ULK4: variants seen among roughly 807,000 people sequenced by gnomAD.
ULK4 encodes inactive serine/threonine-protein kinase ULK4.
ULK4 carries 133 observed loss-of-function variants against 160.6 expected under a neutral mutation model. The observed-to-expected ratio is 0.83, with a 90% CI of 0.72 to 0.96. The LOEUF (loss-of-function observed/expected upper bound fraction) is 0.96. Ranked by LOEUF, ULK4 falls within the 40% of genes least tolerant of loss-of-function variation. ULK4 has a pLI of 0.00. For missense variants in ULK4, 1,580 were observed against 1,499.5 expected, an observed-to-expected ratio of 1.05 and a Z score of -0.89; for synonymous variants, 534 against 539.8, an observed-to-expected ratio of 0.99 and a Z score of 0.15.
intron 18 of ULK4, among the ~76,000 whole-genome samples, chr3:41,827,340 A>G (rs180810834): frequency 5.9e-4 from 90 of 151,960 alleles, no homozygotes; most frequent in African/African-American, 2.1e-3. Flanking sequence ...AGAGACACAA[A>G]AAACCCTTCA....
chr3:41,422,021 T>C (rs1427988975), intron 34 of ULK4, among the ~76,000 whole-genome samples: 3 of 152,160 alleles, frequency 2.0e-5, no homozygotes, highest in Non-Finnish European at 4.4e-5. Flanking sequence ...ATTTACCCTT[T>C]AAACTGGCAG....
At chr3:41,345,799 A>T (rs960666203) in intron 35 of ULK4, among the ~76,000 whole-genome samples, 5 of 152,186 alleles carry the variant, frequency 3.3e-5, no homozygotes, top group South Asian at 2.1e-4. Context: ...AAGAAAAGTA[A>T]AATAAATTAA....
chr3:41,598,011 C>T (rs2031807104), intron 31 of ULK4, among the ~76,000 whole-genome samples: 1 of 152,230 alleles, frequency 6.6e-6, no homozygotes, highest in African/African-American at 2.4e-5. Context: ...TCTTTCAGTA[C>T]TGGCAGATCC....
intron 21 of ULK4, among the ~76,000 whole-genome samples, chr3:41,782,294 G>C (rs188699553): frequency 1.3e-5 from 2 of 151,810 alleles, no homozygotes; most frequent in Non-Finnish European, 2.9e-5. Flanking sequence ...TTCTGTTCTT[G>C]TCCTGTTTAG....
chr3:41,637,870 C>T (rs1356267889), intron 30 of ULK4, among the ~76,000 whole-genome samples: 2 of 152,108 alleles, frequency 1.3e-5, no homozygotes, highest in Non-Finnish European at 2.9e-5. Flanking sequence ...GATCCTTTGC[C>T]CATTTTATCA....
intron 21 of ULK4, among the ~76,000 whole-genome samples, chr3:41,786,789 C>T (rs189116376): frequency 2.8e-4 from 43 of 152,128 alleles, no homozygotes; most frequent in Admixed American, 9.8e-4. Context: ...CTACTAAGTA[C>T]AGCCAAAAAC....
chr3:41,941,266 G>A (rs1699944021), intron 2 of ULK4, among the ~76,000 whole-genome samples: 1 of 143,970 alleles, frequency 6.9e-6, no homozygotes, highest in African/African-American at 2.5e-5. Context: ...TTGAACTCCT[G>A]GGTTCAAACG....
At chr3:41,310,936 T>C (rs1432554871) in intron 35 of ULK4, among the ~76,000 whole-genome samples, 2 of 151,182 alleles carry the variant, frequency 1.3e-5, no homozygotes, top group African/African-American at 2.4e-5. Context: ...GAGGCTGCAG[T>C]GAGCTGTGAT....
At chr3:41,505,873 A>T (rs752268029) in intron 32 of ULK4, among the ~76,000 whole-genome samples, 1 of 152,128 alleles carries the variant, frequency 6.6e-6, no homozygotes, top group Non-Finnish European at 1.5e-5. Flanking sequence ...CATGGTGGAC[A>T]TCTTTGTCTT....
chr3:41,665,316 T>C (rs2035318423), intron 29 of ULK4, among the ~76,000 whole-genome samples: 2 of 152,050 alleles, frequency 1.3e-5, no homozygotes, highest in African/African-American at 4.8e-5. Context: ...CAATGAATTG[T>C]AAGAAGTAGG....
chr3:41,528,032 C>G (rs2086179498), intron 32 of ULK4, among the ~76,000 whole-genome samples: 1 of 152,158 alleles, frequency 6.6e-6, no homozygotes, highest in Admixed American at 6.5e-5. Context: ...TTATCCACTA[C>G]AGAACTGGGA....
At chr3:41,334,071 T>C in intron 35 of ULK4, among the ~76,000 whole-genome samples, 1 of 152,108 alleles carries the variant, frequency 6.6e-6, no homozygotes, top group Non-Finnish European at 1.5e-5. Flanking sequence ...CATGCGCACA[T>C]ACACACACAC....
At chr3:41,857,418 C>G (rs1050255035) in intron 17 of ULK4, among the ~76,000 whole-genome samples, 2 of 152,070 alleles carry the variant, frequency 1.3e-5, no homozygotes, top group African/African-American at 2.4e-5. Flanking sequence ...TTTGATATGT[C>G]TTTGTCAGAT....
At chr3:41,941,755 C>CAAA (rs565727539) in intron 2 of ULK4, among the ~76,000 whole-genome samples, 14 of 30,746 alleles carry the variant, frequency 4.6e-4, no homozygotes, top group African/African-American at 9.7e-4. Context: ...GACTCTGTCT[C>CAAA]AAAAAAAAAA....
chr3:41,690,773 T>G (rs557218586), intron 27 of ULK4, among the ~76,000 whole-genome samples: 1 of 152,026 alleles, frequency 6.6e-6, no homozygotes, highest in Admixed American at 6.6e-5. Context: ...AGGCCAGGCA[T>G]ATGTTTCCAG....
chr3:41,678,741 G>A (rs542409014), intron 29 of ULK4, among the ~76,000 whole-genome samples: 1 of 152,328 alleles, frequency 6.6e-6, no homozygotes, highest in African/African-American at 2.4e-5. Context: ...TGAAAAGGCT[G>A]TCACCTTGGC....
intron 34 of ULK4, among the ~76,000 whole-genome samples, chr3:41,422,883 G>A (rs1386936040): frequency 6.6e-6 from 1 of 152,082 alleles, no homozygotes; most frequent in Non-Finnish European, 1.5e-5. Context: ...CATGTGTTTT[G>A]TACTACATTT....
At chr3:41,816,628 G>A (rs144277881) in intron 19 of ULK4, among the ~76,000 whole-genome samples, 1,844 of 152,098 alleles carry the variant, frequency 0.012, 18 homozygotes, top group South Asian at 0.041. Context: ...TAGCCTGGGC[G>A]ACATGGTGAA....
At chr3:41,795,668 G>C (rs1175812533) in intron 20 of ULK4, among the ~76,000 whole-genome samples, 1 of 152,154 alleles carries the variant, frequency 6.6e-6, no homozygotes, top group Admixed American at 6.5e-5. Flanking sequence ...TATGAATAAA[G>C]TATTATTAAC....
Sources: gnomAD v4.1 joint callset for allele counts (sites outside exome capture counted in the v4.1 genomes callset) on GRCh38, gnomAD v4.1.1 for gene constraint, MANE v1.5 for transcripts, NCBI Gene and HGNC (gene_info 2026-07-23, HGNC 2026-07-21) for gene names.